Variants in PCDHA5 observed in about 807,000 individuals in gnomAD.
PCDHA5 encodes the protein protocadherin alpha-5.
A neutral mutation model predicts 61.6 loss-of-function variants in PCDHA5; 43 were observed. The ratio of observed to expected loss-of-function variants is 0.70; its 90% confidence interval spans 0.55 to 0.90. The LOEUF is 0.90. Among genes scored for constraint, PCDHA5 ranks in the 40% least tolerant of loss-of-function variants. PCDHA5 has a pLI of 0.00. For missense variants in PCDHA5, 1,298 were observed against 1,222.7 expected, an observed-to-expected ratio of 1.06 and a Z score of -0.92; for synonymous variants, 627 against 543.9, an observed-to-expected ratio of 1.15 and a Z score of -2.13.
Position 140,821,788 on chromosome 5 carries a change from CG to C in PCDHA5, c.15del (p.Arg6GlufsTer46). MVYS[R>X]RGSLGSRLLL... ...GAACGAGATTGAGATGGTATATTCC[CG>C]GAGAGGAAGTCTGGGATCCCGGCTC... is the stretch of plus-strand genomic sequence containing the variant. On this transcript the variant is annotated frameshift_variant, in exon 1 of 4. Coordinates refer to ENST00000529859, the MANE Select transcript of PCDHA5 (RefSeq NM_018908.3). LOFTEE classifies it high-confidence loss of function. 1 of 1,611,448 alleles carries C rather than the reference CG, an allele frequency of 6.2e-7. No homozygotes were observed. Among genetic ancestry groups the C allele is most frequent in the Non-Finnish European group, 8.5e-7 (1 of 1,178,600 alleles).
intron 1 of PCDHA5, chr5:140,863,349 G>T: frequency 7.7e-7 from 1 of 1,302,266 alleles, no homozygotes. Flanking sequence ...TGCTGTACAC[G>T]ACGCTGCGGT....
chr5:140,870,627 G>C, intron 1 of PCDHA5: 4 of 1,613,028 alleles, frequency 2.5e-6, no homozygotes, highest in Non-Finnish European at 3.4e-6. Context: ...GCTACGTGTC[G>C]GTGCACGCGG....
At chr5:140,927,827 C>T (rs1554205116) in intron 1 of PCDHA5, 2 of 1,614,100 alleles carry the variant, frequency 1.2e-6, no homozygotes, top group South Asian at 2.2e-5. Flanking sequence ...TACATTGAGG[C>T]GAGGGACGAA....
chr5:141,009,269 A>G (rs2098404104), intron 3 of PCDHA5, among the ~76,000 whole-genome samples: 1 of 152,140 alleles, frequency 6.6e-6, no homozygotes, highest in Non-Finnish European at 1.5e-5. Flanking sequence ...AGCCTGGGCA[A>G]CATAGTGAGA....
rs576672695 is a variant in PCDHA5, at chr5:140,976,134, A to G, written c.2353-2815A>G. On this transcript the variant is annotated intron_variant, in intron 1 of 3. Transcript: ENST00000529859. ...TTTTCCAAGTTTAATCAAGTTCTGG[A>G]TGAAACTCATGTACATTTTACTACT... Among the ~76,000 whole-genome samples the G allele has an allele frequency of 2.0e-5, 3 of 152,348 alleles. No homozygotes were observed. In the East Asian group the frequency reaches 5.8e-4, roughly 29 times the overall value.
At chr5:140,870,938 C>T in intron 1 of PCDHA5, 5 of 1,613,724 alleles carry the variant, frequency 3.1e-6, no homozygotes, top group East Asian at 2.2e-5. Flanking sequence ...GAATTGCAGC[C>T]GGCGGCGGGC....
At chr5:140,828,728 A>G in intron 1 of PCDHA5, 2 of 1,614,238 alleles carry the variant, frequency 1.2e-6, no homozygotes, top group East Asian at 2.2e-5. Context: ...CTTATTCCTG[A>G]CAGCCACAGA....
chr5:141,007,654 C>G (rs1461130528), intron 3 of PCDHA5, among the ~76,000 whole-genome samples: 1 of 152,052 alleles, frequency 6.6e-6, no homozygotes, highest in Non-Finnish European at 1.5e-5. Flanking sequence ...CCTAAAAAAC[C>G]ATAAATTTAC....
chr5:140,857,481 C>G (rs1554150087), intron 1 of PCDHA5: 1 of 1,598,530 alleles, frequency 6.3e-7, no homozygotes, highest in Non-Finnish European at 8.6e-7. Flanking sequence ...ACGGTGTCTG[C>G]GTGGGACGCG....
At chr5:140,848,283 C>G in intron 1 of PCDHA5, 1 of 605,274 alleles carries the variant, frequency 1.7e-6, no homozygotes, top group Non-Finnish European at 2.9e-6. Context: ...TATGTACTTA[C>G]ACTTTGGGCC....
intron 1 of PCDHA5, chr5:140,928,751 C>T (rs1387564129): frequency 6.2e-7 from 1 of 1,614,180 alleles, no homozygotes; most frequent in Non-Finnish European, 8.5e-7. Flanking sequence ...GAGCTCCGTA[C>T]TGCTCGCTTA....
At position 140,823,639 on chromosome 5, in the gene PCDHA5, C is replaced by A; in HGVS notation, c.1864C>A (p.Arg622Ser). Reference sequence around the variant, plus strand: ...GCCTGGCAGTGCGCGCATCCCGTTCCGCGTGGGGCTGTACACAGGCGAGAT... The same window carrying A: ...GCCTGGCAGTGCGCGCATCCCGTTCAGCGTGGGGCTGTACACAGGCGAGAT... Reference protein sequence around the residue: ...PAPGSARIPFRVGLYTGEIST... With the variant: ...PAPGSARIPFSVGLYTGEIST... The change falls in exon 1 of 4, where the codon CGC becomes AGC. Residue 622 changes from arginine to serine, a missense_variant. Transcript: ENST00000529859. 6.2e-7 allele frequency: 1 copy of A among 1,614,012 alleles called. No homozygotes were observed. The highest frequency in any genetic ancestry group is 8.5e-7 in the Non-Finnish European group (1 of 1,179,956).
intron 1 of PCDHA5, among the ~76,000 whole-genome samples, chr5:140,954,349 G>A (rs554018151): frequency 2.0e-4 from 31 of 152,312 alleles, no homozygotes; most frequent in Admixed American, 1.8e-3. Flanking sequence ...AGATCTTTGA[G>A]GAATCGCCAC....
At chr5:140,876,561 T>G in intron 1 of PCDHA5, 2 of 1,614,162 alleles carry the variant, frequency 1.2e-6, no homozygotes, top group Non-Finnish European at 1.7e-6. Flanking sequence ...AAGAGGATGC[T>G]CAGGTGGGTA....
In PCDHA5 at chr5:140,852,980, G is replaced by A. The variant is rs2150526808; in HGVS notation, c.2352+28853G>A. The A allele has an allele frequency of 1.0e-4, 36 of 347,518 alleles. 1 individual carries two copies. The highest frequency in any genetic ancestry group is 1.4e-4 in the Non-Finnish European group (33 of 236,394). 21.5% of individuals were successfully genotyped at this position (347,518 alleles called of 1,614,324 possible). A position where few individuals can be genotyped will look rare whatever the true frequency, so the allele number is the denominator to read the frequency against. The stretch of plus-strand genomic sequence containing the variant: ...TCCAAGCTCCCCCTCCCGTGTTCAC[G>A]CCATTCTCCTGCCTCAGCCTCCCGA... On this transcript the variant is annotated intron_variant, in intron 1 of 3. Transcript: ENST00000529859.
chr5:140,870,314 A>C (rs1253656655), intron 1 of PCDHA5: 6 of 1,613,546 alleles, frequency 3.7e-6, no homozygotes, highest in Non-Finnish European at 5.1e-6. Context: ...AAGAATTACT[A>C]CTCGTTGGTG....
At chr5:140,833,033 G>T (rs892689957) in intron 1 of PCDHA5, among the ~76,000 whole-genome samples, 2 of 152,156 alleles carry the variant, frequency 1.3e-5, no homozygotes, top group Non-Finnish European at 2.9e-5. Flanking sequence ...GAGAGAGTGT[G>T]ATATAAAGCA....
intron 1 of PCDHA5, chr5:140,866,026 C>T (rs1273078600): frequency 7.9e-5 from 12 of 151,914 alleles, no homozygotes; most frequent in Admixed American, 4.6e-4. Context: ...TGTAAGAGTT[C>T]GTGATCATCA....
Position 140,876,083 on chromosome 5 carries a change from A to C in PCDHA5, c.2352+51956A>C. 1 of 1,613,974 alleles carries C rather than the reference A, an allele frequency of 6.2e-7. No individual in the cohort carries two copies. The highest frequency in any genetic ancestry group is 8.5e-7 in the Non-Finnish European group (1 of 1,179,900). ...CTTCGGAAGTTATTGGACAGAGAGC[A>C]AACGCCAAAACTCAATTTATTGCTG... On this transcript the variant is annotated intron_variant, in intron 1 of 3. Coordinates refer to ENST00000529859, the MANE Select transcript of PCDHA5 (RefSeq NM_018908.3).
Sources: gnomAD v4.1 joint callset for allele counts (sites outside exome capture counted in the v4.1 genomes callset) on GRCh38, gnomAD v4.1.1 for gene constraint, MANE v1.5 for transcripts, NCBI Gene and HGNC (gene_info 2026-07-23, HGNC 2026-07-21) for gene names.